ERICH2: variants seen among roughly 807,000 people sequenced by gnomAD.
ERICH2 encodes glutamate rich 2, also known as glutamate-rich protein 2.
Under a neutral mutation model 17.4 loss-of-function variants are expected in ERICH2, and 17 were observed. The ratio of observed to expected loss-of-function variants is 0.98; its 90% confidence interval spans 0.67 to 1.47. ERICH2 has a LOEUF of 1.47. Ranked by LOEUF, ERICH2 falls within the 40% of genes most tolerant of loss-of-function variation. The pLI, the probability that ERICH2 is intolerant of heterozygous loss-of-function variation, is 0.00. For synonymous variants in ERICH2, 51 were observed against 61.1 expected, an observed-to-expected ratio of 0.83 and a Z score of 0.77; for missense variants, 186 against 183.2, an observed-to-expected ratio of 1.01 and a Z score of -0.09.
chr2:170,776,873 G>T, the ERICH2 span, among the ~76,000 whole-genome samples: 1 of 151,720 alleles, frequency 6.6e-6, no homozygotes, highest in African/African-American at 2.4e-5. Context: ...CATCACCCAG[G>T]TATTAAGCTC....
intron 2 of ERICH2, among the ~76,000 whole-genome samples, chr2:170,786,699 A>G: frequency 6.6e-6 from 1 of 151,790 alleles, no homozygotes; most frequent in Non-Finnish European, 1.5e-5. Flanking sequence ...TTTTTTTCAT[A>G]TTTTTTTAGA....
intron 2 of ERICH2, among the ~76,000 whole-genome samples, chr2:170,785,865 C>G (rs753516793): frequency 2.6e-5 from 4 of 152,126 alleles, no homozygotes; most frequent in Non-Finnish European, 5.9e-5. Flanking sequence ...GAGAACAAAA[C>G]AATTTTACCT....
chr2:170,778,305 A>G, the ERICH2 span, among the ~76,000 whole-genome samples: 1 of 152,154 alleles, frequency 6.6e-6, no homozygotes, highest in African/African-American at 2.4e-5. Flanking sequence ...TATTTATTCT[A>G]TGAAAAATTA....
chr2:170,785,294 C>T (rs1018344873), intron 2 of ERICH2, among the ~76,000 whole-genome samples: 2 of 151,908 alleles, frequency 1.3e-5, no homozygotes, highest in Non-Finnish European at 1.5e-5. Context: ...TAAAAAGATC[C>T]TTGTCCACAC....
chr2:170,786,734 G>A (rs1474476428), intron 2 of ERICH2, among the ~76,000 whole-genome samples: 2 of 151,448 alleles, frequency 1.3e-5, no homozygotes, highest in Admixed American at 6.6e-5. Context: ...ATCTCTTCAG[G>A]TTTATAATCT....
exon 2 of ERICH2, chr2:170,784,771 G>A: frequency 6.5e-7 from 1 of 1,543,988 alleles, no homozygotes; most frequent in African/African-American, 1.4e-5. Context: ...CAATGATGAA[G>A]ATGATGATGA....
intron 3 of ERICH2, among the ~76,000 whole-genome samples, chr2:170,793,188 G>C (rs989100140): frequency 2.0e-5 from 3 of 152,166 alleles, no homozygotes; most frequent in African/African-American, 7.2e-5. Flanking sequence ...ATGATGATGG[G>C]TTAGTAACTT....
In ERICH2 at chr2:170,784,835, TA is replaced by T; in HGVS notation, c.216+4del. On this transcript the variant is annotated splice_donor_region_variant and intron_variant, in intron 2 of 4. Coordinates refer to ENST00000409885, the Ensembl canonical transcript of ERICH2. ...GCCCCACTAGAGTTAATGGCAGAAG[TA>T]AGTTTTACTTGTGCATATAATTGAA... The T allele has an allele frequency of 6.9e-7, 1 of 1,452,356 alleles. No homozygotes were observed. The highest frequency in any genetic ancestry group is 1.5e-5 in the South Asian group (1 of 65,764). 90.0% of individuals were successfully genotyped at this position (1,452,356 alleles called of 1,614,324 possible).
upstream of ERICH2, chr2:170,779,687 GA>G (rs1700982577): frequency 2.3e-5 from 6 of 258,368 alleles, no homozygotes; most frequent in Non-Finnish European, 3.6e-5. Flanking sequence ...GACTGAGCTT[GA>G]AAAAAAATTG....
intron 2 of ERICH2, among the ~76,000 whole-genome samples, chr2:170,786,668 T>C (rs1020480410): frequency 1.3e-5 from 2 of 152,206 alleles, no homozygotes; most frequent in African/African-American, 4.8e-5. Context: ...GTCACTGATA[T>C]ACCACTTAAA....
At chr2:170,777,719 A>G in the ERICH2 span, 2 of 1,211,222 alleles carry the variant, frequency 1.7e-6, no homozygotes, top group African/African-American at 1.6e-5. Context: ...GATCTCTCCC[A>G]TGCCTTTTAA....
chr2:170,788,560 C>G (rs937475031), intron 2 of ERICH2, among the ~76,000 whole-genome samples: 11 of 152,100 alleles, frequency 7.2e-5, no homozygotes, highest in African/African-American at 2.4e-4. Context: ...CAGCCTCTGC[C>G]TCTCGGGTTC....
intron 3 of ERICH2, among the ~76,000 whole-genome samples, chr2:170,796,236 A>G (rs1701411539): frequency 6.6e-6 from 1 of 152,190 alleles, no homozygotes; most frequent in African/African-American, 2.4e-5. Flanking sequence ...TACTTACAGG[A>G]TCCTTAAAAG....
At chr2:170,798,154 T>C (rs1223906241) in intron 4 of ERICH2, 42 bp downstream of exon 9, 1 of 1,248,590 alleles carries the variant, frequency 8.0e-7, no homozygotes, top group African/African-American at 1.5e-5. Context: ...CATAGAACTA[T>C]AAGCAGTCAC....
chr2:170,781,287 A>G (rs1255794479), upstream of ERICH2, among the ~76,000 whole-genome samples: 1 of 152,166 alleles, frequency 6.6e-6, no homozygotes, highest in Non-Finnish European at 1.5e-5. Context: ...TAGAAGGTGA[A>G]TTTTTAAAAC....
chr2:170,789,882 G>A (rs1701245140), intron 2 of ERICH2, among the ~76,000 whole-genome samples: 1 of 152,152 alleles, frequency 6.6e-6, no homozygotes, highest in African/African-American at 2.4e-5. Flanking sequence ...AATGTAAAAT[G>A]AGATGATATC....
At chr2:170,797,278 C>T (rs1227618638) in intron 3 of ERICH2, among the ~76,000 whole-genome samples, 1 of 152,156 alleles carries the variant, frequency 6.6e-6, no homozygotes, top group South Asian at 2.1e-4. Flanking sequence ...CTCTGTGTTC[C>T]GATGAGACCT....
At position 170,798,117 on chromosome 2, in the gene ERICH2, T is replaced by C. The variant is rs543516147; in HGVS notation, c.346+5T>C. On this transcript the variant is annotated splice_donor_5th_base_variant and intron_variant, in intron 4 of 4. Transcript: ENST00000409885. ...TTGAAGAAATGTTGCTGATGGGTAA[T>C]TTTAAAAATTGAAATTCCTTGTTTC... is the stretch of plus-strand genomic sequence containing the variant. 5.2e-6 allele frequency: 8 copies of C among 1,528,966 alleles called. No individual in the cohort carries two copies. The South Asian group carries it at 9.6e-5, about 18-fold the overall frequency. 94.7% of individuals were successfully genotyped at this position (1,528,966 alleles called of 1,614,324 possible).
At chr2:170,794,310 G>A (rs1386747303) in intron 3 of ERICH2, among the ~76,000 whole-genome samples, 1 of 151,692 alleles carries the variant, frequency 6.6e-6, no homozygotes, top group African/African-American at 2.4e-5. Flanking sequence ...GTTTTACCAT[G>A]TTGGCCAGGC....
Sources: gnomAD v4.1 joint callset for allele counts (sites outside exome capture counted in the v4.1 genomes callset) on GRCh38, gnomAD v4.1.1 for gene constraint, MANE v1.5 for transcripts, NCBI Gene and HGNC (gene_info 2026-07-23, HGNC 2026-07-21) for gene names.